Variants in ADPRHL1 observed in about 807,000 individuals in gnomAD.
ADPRHL1 encodes the protein inactive ADP-ribosyltransferase ARH2.
In ADPRHL1, 43 loss-of-function variants were observed where a neutral mutation model predicts 44.1. The ratio of observed to expected loss-of-function variants is 0.98; its 90% CI spans 0.76 to 1.26. ADPRHL1 has a LOEUF of 1.26. ADPRHL1 is among the 50% of genes most tolerant of loss of function. ADPRHL1 has a pLI of 0.00. For missense variants in ADPRHL1, 2,022 were observed against 2,496.9 expected (o/e 0.81, Z 4.05); for synonymous variants, 878 against 1,017.4 (o/e 0.86, Z 2.61).
At chr13:113,428,522 T>C (rs1414529724) in intron 4 of ADPRHL1, among the ~76,000 whole-genome samples, 2 of 152,218 alleles carry the variant, frequency 1.3e-5, no homozygotes, top group African/African-American at 4.8e-5. Flanking sequence ...TGTCCCTGCC[T>C]CTGGCCAGCC....
chr13:113,433,216 G>A (rs754059923), intron 3 of ADPRHL1, among the ~76,000 whole-genome samples: 6 of 152,210 alleles, frequency 3.9e-5, no homozygotes, highest in African/African-American at 7.2e-5. Context: ...CGTGGTTCCC[G>A]TGGTCTCCTT....
intron 3 of ADPRHL1, among the ~76,000 whole-genome samples, chr13:113,429,406 G>A (rs894107505): frequency 1.3e-5 from 2 of 152,200 alleles, no homozygotes; most frequent in Non-Finnish European, 2.9e-5. Flanking sequence ...CCTGCTCCTC[G>A]TGGGACCGCA....
rs555536838 is a variant in ADPRHL1, at chr13:113,403,580, G to A, written c.5702C>T (p.Pro1901Leu). The change falls in exon 8 of 8, where the codon CCG becomes CTG. Residue 1901 changes from proline to leucine, a missense_variant. By Grantham distance (98) the Pro-to-Leu change is moderately conservative. Transcript: ENST00000612156. ...GTGGTCTGGGGACCCCTCCTGGGCC[G>A]GGGCCTGGGGAGTCCCGCAGCCCCC... Reference protein sequence around the residue: ...EAGGCGTPQAPAQEGSPDHPG... With the variant: ...EAGGCGTPQALAQEGSPDHPG... 4.9e-5 allele frequency: 60 copies of A among 1,231,590 alleles called. No homozygotes were observed. The highest frequency in any genetic ancestry group is 2.9e-4 in the African/African-American group (19 of 64,448). The allele number at this position is 1,231,590 out of a possible 1,614,324, so 76.3% of individuals were successfully genotyped here. A position where few individuals can be genotyped will look rare whatever the true frequency, so the allele number is the denominator to read the frequency against.
At chr13:113,437,789 G>A (rs1435301945) in intron 2 of ADPRHL1, among the ~76,000 whole-genome samples, 4 of 152,210 alleles carry the variant, frequency 2.6e-5, no homozygotes, top group Admixed American at 6.5e-5. Context: ...TCTCTTGGGC[G>A]AATGCTGGGG....
rs1191796753 is a variant in ADPRHL1 at position 113,400,334 on chromosome 13, CA to C, written c.*3043del. ...CTAATTTTTGTATTTTTAGTAGAGACAGGGTTTCACTGTGTTAGCCAGGATG... is the reference window on the plus strand; with the variant it reads ...CTAATTTTTGTATTTTTAGTAGAGACGGGTTTCACTGTGTTAGCCAGGATG... On this transcript the variant is annotated 3_prime_UTR_variant, in exon 8 of 8. Coordinates refer to ENST00000612156, the MANE Select transcript of ADPRHL1 (RefSeq NM_001394807.1). The C allele has an allele frequency of 2.0e-5, 3 of 151,554 alleles. No individual in the cohort carries two copies. Among genetic ancestry groups the C allele is most frequent in the Admixed American group, 1.3e-4 (2 of 15,222 alleles). 9.4% of individuals were successfully genotyped at this position (151,554 alleles called of 1,614,324 possible).
chr13:113,438,347 T>G (rs913534065), intron 2 of ADPRHL1, among the ~76,000 whole-genome samples: 2 of 152,342 alleles, frequency 1.3e-5, no homozygotes, highest in South Asian at 4.1e-4. Flanking sequence ...TTGTGCTTAT[T>G]GTCCACCCAT....
intron 4 of ADPRHL1, among the ~76,000 whole-genome samples, chr13:113,425,652 G>A (rs565369951): frequency 4.7e-5 from 7 of 150,472 alleles, no homozygotes; most frequent in African/African-American, 1.7e-4. Context: ...GATTACAGGC[G>A]TGAGCCACCA....
At chr13:113,447,346 C>T (rs1211120643) in intron 1 of ADPRHL1, among the ~76,000 whole-genome samples, 3 of 145,232 alleles carry the variant, frequency 2.1e-5, no homozygotes, top group Non-Finnish European at 4.5e-5. Context: ...GGCGTCTACA[C>T]TCACGGTGTT....
At chr13:113,437,757 C>G (rs1362089909) in intron 2 of ADPRHL1, among the ~76,000 whole-genome samples, 1 of 152,220 alleles carries the variant, frequency 6.6e-6, no homozygotes, top group Non-Finnish European at 1.5e-5. Context: ...GCACCAGATC[C>G]TGGTGTGGAC....
rs571364282 is a variant in ADPRHL1 at position 113,441,026 on chromosome 13, G to A, written c.379+3399C>T. On this transcript the variant is annotated intron_variant, in intron 2 of 7. Coordinates refer to ENST00000612156, the MANE Select transcript of ADPRHL1 (RefSeq NM_001394807.1). The surrounding 1 kb of genome is among the most constrained non-coding windows in gnomAD (Gnocchi z 6.0). ...AAATTAGCCAGGTGTGGTGGTGGGC[G>A]CCCGTAGTCCCAGCTACTTGGGAGG... Among the ~76,000 whole-genome samples, 34 of 152,202 alleles carry A rather than the reference G, an allele frequency of 2.2e-4. No individual in the cohort carries two copies. The highest frequency in any genetic ancestry group is 9.8e-4 in the Admixed American group (15 of 15,290).
chr13:113,428,505 T>A (rs1431709184), intron 4 of ADPRHL1, among the ~76,000 whole-genome samples: 1 of 152,228 alleles, frequency 6.6e-6, no homozygotes, highest in Non-Finnish European at 1.5e-5. Flanking sequence ...CCTAGTCCCA[T>A]ACCTGCTGTC....
chr13:113,425,331 G>T, intron 4 of ADPRHL1, 152 bp from the exon 5 acceptor site: 1 of 730,408 alleles, frequency 1.4e-6, no homozygotes, highest in Non-Finnish European at 2.2e-6. Context: ...GAGAAGCCGA[G>T]CACCTGTCCT....
rs529779384 is a variant in ADPRHL1, at chr13:113,440,055, CT to C, written c.379+4369del. The stretch of plus-strand genomic sequence containing the variant: ...TTTGGTTTTATTAATTTGCTCTACT[CT>C]TTTTCTGTTTTCAATCATTGATTTT... On this transcript the variant is annotated intron_variant, in intron 2 of 7. Coordinates refer to ENST00000612156, the MANE Select transcript of ADPRHL1 (RefSeq NM_001394807.1). 1.9e-3 allele frequency among the ~76,000 whole-genome samples: 296 copies of C among 152,284 alleles called. 2 individuals are homozygous for C. Among genetic ancestry groups the C allele is most frequent in the African/African-American group, 6.7e-3 (280 of 41,576 alleles).
intron 1 of ADPRHL1, among the ~76,000 whole-genome samples, chr13:113,449,742 C>T (rs977223587): frequency 2.0e-5 from 3 of 152,340 alleles, no homozygotes; most frequent in South Asian, 2.1e-4. Flanking sequence ...AGCTGCCAAA[C>T]GTAGTTCCAT....
At chr13:113,446,528 G>A (rs1034052729) in intron 1 of ADPRHL1, among the ~76,000 whole-genome samples, 4 of 150,668 alleles carry the variant, frequency 2.7e-5, no homozygotes, top group Non-Finnish European at 4.4e-5. Flanking sequence ...TGGGCACGGC[G>A]TTGTCTATAC....
rs1306653492 is a variant in ADPRHL1, at chr13:113,405,747, C to T, written c.3535G>A (p.Gly1179Arg). Residue 1179 changes from glycine to arginine, a missense_variant, in exon 8 of 8, where the codon GGA (glycine) becomes AGA (arginine). By Grantham distance (125) the Gly-to-Arg change is moderately radical (BLOSUM62 -2). Transcript: ENST00000612156. ...GCTCCACTCTTGGGCTCCAAGGATC[C>T]CCCAGGGGCCAGGAGGCCGTGGCTG... The part of the protein sequence containing the change: ...PHSHGLLAPG[G>R]SLEPKSGAAG... The T allele has an allele frequency of 6.5e-6, 8 of 1,231,728 alleles. No individual in the cohort carries two copies. The East Asian group carries it at 1.3e-4, about 19-fold the overall frequency. 76.3% of individuals were successfully genotyped at this position (1,231,728 alleles called of 1,614,324 possible).
At chr13:113,410,036 A>G in intron 7 of ADPRHL1, 1 of 985,454 alleles carries the variant, frequency 1.0e-6, no homozygotes, top group Non-Finnish European at 1.2e-6. Flanking sequence ...TTTCCTTGTT[A>G]AAAGCTGTTG....
intron 1 of ADPRHL1, among the ~76,000 whole-genome samples, chr13:113,445,070 A>C (rs986392897): frequency 1.3e-5 from 2 of 152,168 alleles, no homozygotes; most frequent in African/African-American, 2.4e-5. Flanking sequence ...CAGGTGCTGC[A>C]GGGACAGCTG....
Position 113,405,963 on chromosome 13 carries a change from C to T in ADPRHL1, c.3319G>A (p.Gly1107Ser), listed in dbSNP as rs1247833046. The change falls in exon 8 of 8, where the codon GGT becomes AGT. Residue 1107 changes from glycine (G) to serine (S), a missense_variant. Gly to Ser is a moderately conservative substitution (Grantham distance 56). Transcript: ENST00000612156. ...GCCATCGCCCCACAGGCTTTCATAC[C>T]TGGTTTGGGTGGTTCATTTAATGAG... is the stretch of plus-strand genomic sequence containing the variant. ...LSSLNEPPKP[G>S]MKACGAMAAA... 6.3e-5 allele frequency: 77 copies of T among 1,231,978 alleles called. No homozygotes were observed. The highest frequency in any genetic ancestry group is 7.5e-5 in the Non-Finnish European group (74 of 988,048). The allele number at this position is 1,231,978 out of a possible 1,614,324, so 76.3% of individuals were successfully genotyped here. A position where few individuals can be genotyped will look rare whatever the true frequency, so the allele number is the denominator to read the frequency against.
Sources: allele counts gnomAD v4.1 joint callset (sites outside exome capture counted in the v4.1 genomes callset), GRCh38; gene constraint gnomAD v4.1.1; non-coding constraint Gnocchi (gnomAD v3.1); transcripts MANE v1.5; gene names NCBI Gene and HGNC (gene_info 2026-07-23, HGNC 2026-07-21).